Variants in LEMD1 observed in about 807,000 individuals in gnomAD.
LEMD1 encodes LEM domain-containing protein 1.
Under a neutral mutation model 17.4 loss-of-function variants are expected in LEMD1, and 18 were observed. The ratio of observed to expected loss-of-function variants is 1.04; its 90% CI spans 0.72 to 1.54. LEMD1 has a LOEUF of 1.54. Among genes scored for constraint, LEMD1 ranks in the 40% most tolerant of loss-of-function variants. The probability of loss-of-function intolerance (pLI) is 0.00; values close to 1 mark genes in which losing one functional copy is unlikely to be tolerated. For missense variants in LEMD1, 195 were observed against 210.4 expected, an observed-to-expected ratio of 0.93 and a Z score of 0.45; for synonymous variants, 88 against 77.8, an observed-to-expected ratio of 1.13 and a Z score of -0.69.
intron 4 of LEMD1, among the ~76,000 whole-genome samples, chr1:205,396,025 T>A (rs1022989929): frequency 2.6e-4 from 40 of 152,134 alleles, no homozygotes; most frequent in Non-Finnish European, 4.7e-4. Context: ...GTTTTTTTTT[T>A]AAGACAGGAT....
At chr1:205,412,371 G>A (rs571933549) in intron 4 of LEMD1, among the ~76,000 whole-genome samples, 16 of 152,120 alleles carry the variant, frequency 1.1e-4, no homozygotes, top group South Asian at 2.1e-4. Context: ...TGTTTTTAAC[G>A]ACCAAATCCA....
intron 1 of LEMD1, among the ~76,000 whole-genome samples, chr1:205,429,795 G>T (rs1454795252): frequency 6.6e-6 from 1 of 152,096 alleles, no homozygotes; most frequent in Non-Finnish European, 1.5e-5. Flanking sequence ...GGTGGGGGGA[G>T]CAGGGACAGG....
intron 4 of LEMD1, among the ~76,000 whole-genome samples, chr1:205,412,537 C>T (rs1665499066): frequency 6.6e-6 from 1 of 152,120 alleles, no homozygotes; most frequent in Non-Finnish European, 1.5e-5. Flanking sequence ...CAAATACTAC[C>T]TATCTAGGCA....
chr1:205,399,992 T>C (rs1022217474), intron 4 of LEMD1, among the ~76,000 whole-genome samples: 5 of 152,196 alleles, frequency 3.3e-5, no homozygotes, highest in Non-Finnish European at 5.9e-5. Context: ...TGAGGAACAA[T>C]ATGTTGGTGT....
At chr1:205,384,999 A>G (rs1225155818) in intron 4 of LEMD1, among the ~76,000 whole-genome samples, 1 of 151,862 alleles carries the variant, frequency 6.6e-6, no homozygotes, top group Non-Finnish European at 1.5e-5. Context: ...TGAGTCTGAG[A>G]CACAGAAAGG....
intron 1 of LEMD1, among the ~76,000 whole-genome samples, chr1:205,428,087 C>T (rs1204300144): frequency 6.6e-6 from 1 of 152,214 alleles, no homozygotes; most frequent in African/African-American, 2.4e-5. Flanking sequence ...AGCTCTTAGG[C>T]TTTATCCTAA....
chr1:205,399,672 A>C (rs1574962083), intron 4 of LEMD1, among the ~76,000 whole-genome samples: 2 of 152,276 alleles, frequency 1.3e-5, no homozygotes, highest in East Asian at 3.8e-4. Context: ...GTCAAAGGAC[A>C]CAGTATCTAT....
chr1:205,444,817 C>G (rs912712814), intron 1 of LEMD1, among the ~76,000 whole-genome samples: 4 of 152,000 alleles, frequency 2.6e-5, no homozygotes, highest in South Asian at 2.1e-4. Flanking sequence ...GCGCCCCCCA[C>G]GACCCATCCC....
intron 4 of LEMD1, among the ~76,000 whole-genome samples, chr1:205,394,040 C>T (rs1664469182): frequency 6.6e-6 from 1 of 152,136 alleles, no homozygotes. Flanking sequence ...GAATGAAGTG[C>T]TGACGCAAAT....
upstream of LEMD1, among the ~76,000 whole-genome samples, chr1:205,426,527 G>A (rs1666057169): frequency 6.6e-6 from 1 of 152,170 alleles, no homozygotes; most frequent in African/African-American, 2.4e-5. Flanking sequence ...TGGAGGAGGT[G>A]GAACTCAGAG....
intron 1 of LEMD1, among the ~76,000 whole-genome samples, chr1:205,447,024 C>T (rs567976043): frequency 3.8e-4 from 58 of 152,348 alleles, no homozygotes; most frequent in Admixed American, 3.8e-3. Context: ...GGACGTGCAT[C>T]CAATAGAGAT....
intron 1 of LEMD1, among the ~76,000 whole-genome samples, chr1:205,430,672 A>G (rs1666112437): frequency 6.6e-6 from 1 of 152,130 alleles, no homozygotes; most frequent in African/African-American, 2.4e-5. Context: ...CCGGTCTTCC[A>G]CACGCACACC....
At chr1:205,423,367 G>C (rs1256339462), upstream of LEMD1, among the ~76,000 whole-genome samples, 2 of 152,166 alleles carry the variant, frequency 1.3e-5, no homozygotes, top group African/African-American at 4.8e-5. Flanking sequence ...TAAATGATAG[G>C]CTTGGGTTAT....
At chr1:205,410,489 C>T (rs559680713) in intron 4 of LEMD1, among the ~76,000 whole-genome samples, 5 of 152,222 alleles carry the variant, frequency 3.3e-5, no homozygotes, top group Middle Eastern at 3.4e-3. Context: ...TAAGAGACAA[C>T]GTATATGGTA....
intron 4 of LEMD1, among the ~76,000 whole-genome samples, chr1:205,409,856 T>G (rs1472528192): frequency 1.3e-5 from 2 of 151,886 alleles, no homozygotes; most frequent in African/African-American, 4.8e-5. Context: ...CACTGCAACC[T>G]CCACCTCCTG....
chr1:205,393,702 T>C (rs1299137596), intron 4 of LEMD1, among the ~76,000 whole-genome samples: 1 of 151,446 alleles, frequency 6.6e-6, no homozygotes, highest in Non-Finnish European at 1.5e-5. Flanking sequence ...AAATAGCAAG[T>C]GTTAGCAAGG....
At chr1:205,396,447 G>A (rs564676988) in intron 4 of LEMD1, among the ~76,000 whole-genome samples, 11 of 152,148 alleles carry the variant, frequency 7.2e-5, no homozygotes, top group African/African-American at 2.7e-4. Flanking sequence ...GTACATTCAT[G>A]CAATCAGAAA....
chr1:205,404,929 G>T (rs982086129), intron 4 of LEMD1, among the ~76,000 whole-genome samples: 8 of 151,982 alleles, frequency 5.3e-5, no homozygotes, highest in African/African-American at 1.9e-4. Flanking sequence ...TTTGCTTGTC[G>T]GTAAAGTATT....
At chr1:205,419,114 G>A in intron 3 of LEMD1, 116 bp downstream of exon 3, 1 of 1,179,622 alleles carries the variant, frequency 8.5e-7, no homozygotes, top group Non-Finnish European at 1.2e-6. Flanking sequence ...GTGCAAAGAG[G>A]CCCTATGGCT....
Sources: gnomAD v4.1 joint callset for allele counts (sites outside exome capture counted in the v4.1 genomes callset) on GRCh38, gnomAD v4.1.1 for gene constraint, MANE v1.5 for transcripts, NCBI Gene and HGNC (gene_info 2026-07-23, HGNC 2026-07-21) for gene names.